The following KIF5A variants were observed in gnomAD, a reference collection of about 807,000 sequenced individuals.
The protein encoded by KIF5A is kinesin family member 5A.
A neutral mutation model predicts 141.3 loss-of-function variants in KIF5A; 35 were observed. The observed-to-expected ratio is 0.25, with a 90% confidence interval of 0.19 to 0.33. The LOEUF (loss-of-function observed/expected upper bound fraction) is 0.33. Among genes scored for constraint, KIF5A ranks in the 10% least tolerant of loss-of-function variants. The pLI is 1.00. For missense variants in KIF5A, 861 were observed against 1,314.3 expected (o/e 0.66, Z 5.33); for synonymous variants, 448 against 500.2 (o/e 0.90, Z 1.39).
chr12:57,550,543 T>G lies in KIF5A; in HGVS notation c.129+143T>G. On this transcript the variant is annotated intron_variant, in intron 1 of 28. Transcript: ENST00000455537. The surrounding 1 kb of genome is among the most constrained non-coding windows in gnomAD (Gnocchi z 4.6). ...ATCCTCTTCCCCGCAGCCCCTCCTCTCCCCTGCATCAGGATGGCTGGGTGT... is the reference window on the plus strand; with the variant it reads ...ATCCTCTTCCCCGCAGCCCCTCCTCGCCCCTGCATCAGGATGGCTGGGTGT... The G allele has an allele frequency of 8.6e-5, 66 of 768,762 alleles. No individual in the cohort carries two copies. Among genetic ancestry groups the G allele is most frequent in the Non-Finnish European group, 9.3e-5 (46 of 493,502 alleles). The allele number at this position is 768,762 out of a possible 1,614,324, so 47.6% of individuals were successfully genotyped here.
Position 57,550,638 on chromosome 12 carries a change from C to T in KIF5A, c.129+238C>T, listed in dbSNP as rs367708472. ...GCTGCTTTCCTACCTTCGGGAGATCCAACTCCCCTTTGCTGCTGTCTGCAG... is the reference window on the plus strand; with the variant it reads ...GCTGCTTTCCTACCTTCGGGAGATCTAACTCCCCTTTGCTGCTGTCTGCAG... On this transcript the variant is annotated intron_variant, in intron 1 of 28. Transcript: ENST00000455537. The surrounding 1 kb of genome is among the most constrained non-coding windows in gnomAD (Gnocchi z 4.6). Among the ~76,000 whole-genome samples, 82 of 152,336 alleles carry T rather than the reference C, an allele frequency of 5.4e-4. No homozygotes were observed. Among genetic ancestry groups the T allele is most frequent in the African/African-American group, 1.9e-3 (80 of 41,580 alleles).
chr12:57,562,206 T>G (rs1367873979), intron 1 of KIF5A, among the ~76,000 whole-genome samples: 1 of 152,250 alleles, frequency 6.6e-6, no homozygotes, highest in Non-Finnish European at 1.5e-5. Context: ...TAAGTCTGAA[T>G]GATTTGCTTC....
rs1882720252 is a variant in KIF5A at position 57,585,120 on chromosome 12, T to C, written c.*939T>C. On this transcript the variant is annotated 3_prime_UTR_variant, in exon 29 of 29. Coordinates refer to ENST00000455537, the MANE Select transcript of KIF5A (RefSeq NM_004984.4). ...CTGGGAAATTTCTGAGCCTTTTTTTTTTGTCACAGTGCCCTCAAGTTGAAG... is the reference window on the plus strand; with the variant it reads ...CTGGGAAATTTCTGAGCCTTTTTTTCTTGTCACAGTGCCCTCAAGTTGAAG... The C allele has an allele frequency of 6.6e-6, 1 of 152,336 alleles. No homozygotes were observed. The highest frequency in any genetic ancestry group is 2.4e-5 in the African/African-American group (1 of 41,398). 9.4% of individuals were successfully genotyped at this position (152,336 alleles called of 1,614,324 possible). A position where few individuals can be genotyped will look rare whatever the true frequency, so the allele number is the denominator to read the frequency against.
intron 20 of KIF5A, 81 bp from the exon 21 acceptor site, chr12:57,577,632 A>G: frequency 9.9e-7 from 1 of 1,007,480 alleles, no homozygotes; most frequent in South Asian, 1.3e-5. Context: ...ACTTAAATGG[A>G]GATAAAAGTA....
chr12:57,572,588 G>A lies in KIF5A; in HGVS notation c.1578G>A (p.Met526Ile). The A allele has an allele frequency of 6.2e-7, 1 of 1,614,240 alleles. No homozygotes were observed. The change falls in exon 15 of 29, where the codon ATG becomes ATA. Residue 526 changes from methionine (M) to isoleucine (I), a missense_variant. By Grantham distance (10) the Met-to-Ile change is conservative. Around this residue, in one of 5 missense-constraint regions of KIF5A, gnomAD observed 482 missense variants for 661.3 expected, o/e 0.73. Transcript: ENST00000455537. The surrounding 1 kb of genome is among the most constrained non-coding windows in gnomAD (Gnocchi z 4.2). The stretch of plus-strand genomic sequence containing the variant: ...TGAGGGGCTGTCCCCAGGCCACCAT[G>A]CTGTCCCTGGAGTCTGAGTTGCAGC... ...VDELSQKVAT[M>I]LSLESELQRL...
rs1882286436 is a variant in KIF5A, at chr12:57,572,462, G to A, written c.1570-118G>A. 7.1e-7 allele frequency: 1 copy of A among 1,405,602 alleles called. No homozygotes were observed. Among genetic ancestry groups the A allele is most frequent in the African/African-American group, 1.4e-5 (1 of 70,524 alleles). 87.1% of individuals were successfully genotyped at this position (1,405,602 alleles called of 1,614,324 possible). ...CTCTGTCTTTCAGACTCTTCTGCAGGGCCTGTGTTCTCTTCATAGCAGCCC... is the reference window on the plus strand; with the variant it reads ...CTCTGTCTTTCAGACTCTTCTGCAGAGCCTGTGTTCTCTTCATAGCAGCCC... On this transcript the variant is annotated intron_variant, in intron 14 of 28. Coordinates refer to ENST00000455537, the MANE Select transcript of KIF5A (RefSeq NM_004984.4). This position sits in a 1 kb window ranked among gnomAD's most constrained non-coding sequence, Gnocchi z 4.2.
chr12:57,567,711 T>C lies in KIF5A; in HGVS notation c.714+93T>C, dbSNP rs10783832. On this transcript the variant is annotated intron_variant, in intron 8 of 28. Coordinates refer to ENST00000455537, the MANE Select transcript of KIF5A (RefSeq NM_004984.4). ...AGTCTCACTCTGTCGCCCGGGCTGG[T>C]TTGCAGTGGCACGATCTCTGTTCAC... 0.41 allele frequency: 551,691 copies of C among 1,342,324 alleles called. 120,508 individuals carry two copies. Among genetic ancestry groups the C allele is most frequent in the East Asian group, 0.78 (29,383 of 37,480 alleles). 83.2% of individuals were successfully genotyped at this position (1,342,324 alleles called of 1,614,324 possible).
rs978303061 is a variant in KIF5A at position 57,575,196 on chromosome 12, A to T, written c.1829A>T (p.Asn610Ile). The T allele has an allele frequency of 1.2e-6, 2 of 1,613,446 alleles. No individual in the cohort carries two copies. The highest frequency in any genetic ancestry group is 1.7e-5 in the Admixed American group (1 of 59,924). ...SVVKRCRQLE[N>I]LQVECHRKME... ...GTCAAGCGGTGCCGGCAGCTGGAGA[A>T]CCTCCAGGTGGAGTGTCACCGCAAG... The change falls in exon 16 of 29, where the codon AAC becomes ATC. Residue 610 changes from asparagine to isoleucine, a missense_variant. Around this residue, in one of 5 missense-constraint regions of KIF5A, gnomAD observed 482 missense variants for 661.3 expected, o/e 0.73. Coordinates refer to ENST00000455537, the MANE Select transcript of KIF5A (RefSeq NM_004984.4).
intron 3 of KIF5A, among the ~76,000 whole-genome samples, 183 bp downstream of exon 3, chr12:57,563,876 T>C (rs1474263124): frequency 2.0e-5 from 3 of 152,166 alleles, no homozygotes; most frequent in Non-Finnish European, 4.4e-5. Flanking sequence ...CCCACTGCAG[T>C]GGATCATCCT....
chr12:57,564,379 A>G lies in KIF5A; in HGVS notation c.397-81A>G. The G allele has an allele frequency of 1.1e-5, 13 of 1,134,734 alleles. No homozygotes were observed. The South Asian group carries it at 1.6e-4, about 14-fold the overall frequency. The allele number at this position is 1,134,734 out of a possible 1,614,324, so 70.3% of individuals were successfully genotyped here. Reference sequence around the variant, plus strand: ...CTTTTCCTCCCACCACCGTTTGAGCAGGTCACATTAGTATGGGATTCCTGA... The same window carrying G: ...CTTTTCCTCCCACCACCGTTTGAGCGGGTCACATTAGTATGGGATTCCTGA... On this transcript the variant is annotated intron_variant, in intron 4 of 28. Transcript: ENST00000455537.
At chr12:57,551,904 CTCTG>C (rs1411023881) in intron 1 of KIF5A, among the ~76,000 whole-genome samples, 1 of 140,716 alleles carries the variant, frequency 7.1e-6, no homozygotes, top group African/African-American at 2.7e-5. Flanking sequence ...CTCTCTCTCT[CTCTG>C]TGTATGTATT....
chr12:57,565,082 A>C, intron 6 of KIF5A, 109 bp downstream of exon 6: 1 of 982,980 alleles, frequency 1.0e-6, no homozygotes, highest in Admixed American at 1.9e-5. Context: ...TCCTGGAGGA[A>C]TGAGATGTGC....
chr12:57,582,013 AAAGT>A, intron 26 of KIF5A, 61 bp downstream of exon 26: 1 of 1,329,428 alleles, frequency 7.5e-7, no homozygotes, highest in Non-Finnish European at 1.1e-6. Context: ...GAGAGGCATA[AAAGT>A]AAGTGACCTT....
intron 8 of KIF5A, 95 bp from the exon 9 acceptor site, chr12:57,568,868 T>G: frequency 2.5e-6 from 2 of 803,226 alleles, no homozygotes; most frequent in Non-Finnish European, 4.2e-6. Flanking sequence ...TCCCTGTTCC[T>G]TCCTTCCTCC....
intron 27 of KIF5A, 140 bp downstream of exon 27, chr12:57,582,769 T>C: frequency 1.3e-6 from 1 of 780,168 alleles, no homozygotes; most frequent in South Asian, 1.4e-5. Context: ...CATCACTGTG[T>C]TGTCCAGGAG....
In KIF5A at chr12:57,572,386, G is replaced by A. The variant is rs111481780; in HGVS notation, c.1569+119G>A. 2,148 of 1,262,252 alleles carry A rather than the reference G, an allele frequency of 1.7e-3. 30 individuals are homozygous for A. In the African/African-American group the frequency reaches 0.028, roughly 17 times the overall value. 78.2% of individuals were successfully genotyped at this position (1,262,252 alleles called of 1,614,324 possible). The stretch of plus-strand genomic sequence containing the variant: ...CTGCACCTCTGCACTGCTGTTCAGT[G>A]CATTGTGAGTCCCTCCCCAACCCTG... On this transcript the variant is annotated intron_variant, in intron 14 of 28. Coordinates refer to ENST00000455537, the MANE Select transcript of KIF5A (RefSeq NM_004984.4). The surrounding 1 kb of genome is among the most constrained non-coding windows in gnomAD (Gnocchi z 4.2).
intron 8 of KIF5A, among the ~76,000 whole-genome samples, chr12:57,568,420 C>T (rs1318685217): frequency 6.6e-6 from 1 of 152,030 alleles, no homozygotes; most frequent in African/African-American, 2.4e-5. Context: ...CTATCCTGAA[C>T]ATTTCATATA....
intron 13 of KIF5A, among the ~76,000 whole-genome samples, chr12:57,571,664 G>A (rs1882259529): frequency 6.6e-6 from 1 of 151,822 alleles, no homozygotes; most frequent in Non-Finnish European, 1.5e-5. Context: ...CGATCTTCCA[G>A]GGTCAAGCAG....
At chr12:57,554,010 T>A (rs1194956505) in intron 1 of KIF5A, among the ~76,000 whole-genome samples, 1 of 151,780 alleles carries the variant, frequency 6.6e-6, no homozygotes, top group Admixed American at 6.6e-5. Flanking sequence ...CTTCTGAAAA[T>A]GGGATTGAGG....
Sources: allele counts gnomAD v4.1 joint callset (sites outside exome capture counted in the v4.1 genomes callset), GRCh38; gene constraint gnomAD v4.1.1; regional missense constraint gnomAD v4.1.1; non-coding constraint Gnocchi (gnomAD v3.1); transcripts MANE v1.5; gene names NCBI Gene and HGNC (gene_info 2026-07-23, HGNC 2026-07-21).